SPRING1: variants seen among roughly 807,000 people sequenced by gnomAD.
SPRING1 encodes the protein SREBF pathway regulator in golgi 1.
Under a neutral mutation model 24.7 loss-of-function variants are expected in SPRING1, and 14 were observed. The ratio of observed to expected loss-of-function variants is 0.57; its 90% CI spans 0.37 to 0.88. The LOEUF (loss-of-function observed/expected upper bound fraction) is 0.88. Ranked by LOEUF, SPRING1 falls within the 40% of genes least tolerant of loss-of-function variation. SPRING1 has a pLI of 0.00. For missense variants in SPRING1, 255 were observed against 268.4 expected, an observed-to-expected ratio of 0.95 and a Z score of 0.35; for synonymous variants, 93 against 106.1, an observed-to-expected ratio of 0.88 and a Z score of 0.76.
rs1198498134 is a variant in SPRING1 at position 116,716,416 on chromosome 12, G to A, written c.*1394C>T. The A allele has an allele frequency of 6.6e-6, 1 of 152,424 alleles. No homozygotes were observed. The highest frequency in any genetic ancestry group is 1.5e-5 in the Non-Finnish European group (1 of 68,044). 9.4% of individuals were successfully genotyped at this position (152,424 alleles called of 1,614,324 possible). ...CACCTTGCTCCCAGGTCAATAAAGT[G>A]AACCAAAAAAATTACAAAGACCTTG... On this transcript the variant is annotated 3_prime_UTR_variant, in exon 5 of 5. Coordinates refer to ENST00000261318, the MANE Select transcript of SPRING1 (RefSeq NM_024738.4).
At chr12:116,721,879 C>G (rs1870452476) in intron 2 of SPRING1, among the ~76,000 whole-genome samples, 3 of 152,000 alleles carry the variant, frequency 2.0e-5, no homozygotes. Context: ...TTTTTTTCCC[C>G]ACTGCCAACT....
intron 1 of SPRING1, among the ~76,000 whole-genome samples, chr12:116,723,995 C>T (rs1227214517): frequency 6.6e-6 from 1 of 151,890 alleles, no homozygotes; most frequent in African/African-American, 2.4e-5. Context: ...CTTTTCTATA[C>T]TGTTAAAAAA....
At chr12:116,731,246 C>T (rs1870961766) in intron 1 of SPRING1, among the ~76,000 whole-genome samples, 1 of 152,282 alleles carries the variant, frequency 6.6e-6, no homozygotes, top group Middle Eastern at 3.4e-3. Context: ...AGTCTGCTGC[C>T]GCTGCTTTGA....
chr12:116,716,602 AGTGCTTTATGCCTGT>A lies in SPRING1; in HGVS notation c.*1193_*1207del, dbSNP rs1870146533. 6.6e-6 allele frequency: 1 copy of A among 152,618 alleles called. No homozygotes were observed. Among genetic ancestry groups the A allele is most frequent in the African/African-American group, 2.4e-5 (1 of 41,432 alleles). The allele number at this position is 152,618 out of a possible 1,614,324, so 9.5% of individuals were successfully genotyped here. A position where few individuals can be genotyped will look rare whatever the true frequency, so the allele number is the denominator to read the frequency against. ...CTGCATTACAGTAGGAAAAATGGGG[AGTGCTTTATGCCTGT>A]GGATTCAGGACACACCAGCAACCTA... On this transcript the variant is annotated 3_prime_UTR_variant, in exon 5 of 5. Transcript: ENST00000261318.
Position 116,711,781 on chromosome 12 carries a change from CT to C in SPRING1, c.*6028del, listed in dbSNP as rs981893915. The C allele has an allele frequency of 1.3e-5, 2 of 151,996 alleles. No homozygotes were observed. Among genetic ancestry groups the C allele is most frequent in the Non-Finnish European group, 2.9e-5 (2 of 68,220 alleles). The allele number at this position is 151,996 out of a possible 1,614,324, so 9.4% of individuals were successfully genotyped here. ...AGGTGTGCACTACCATGCCTGGCTCCTTTTTTTTATTTTTTGTAGAGACAGG... is the reference window on the plus strand; with the variant it reads ...AGGTGTGCACTACCATGCCTGGCTCCTTTTTTTATTTTTTGTAGAGACAGG... On this transcript the variant is annotated 3_prime_UTR_variant, in exon 5 of 5. Transcript: ENST00000261318.
chr12:116,734,156 C>T (rs1157979399), intron 1 of SPRING1, among the ~76,000 whole-genome samples: 4 of 152,214 alleles, frequency 2.6e-5, no homozygotes, highest in East Asian at 1.9e-4. Flanking sequence ...GGATTACAGG[C>T]GTGAGCCATC....
chr12:116,731,623 G>A (rs570494665), intron 1 of SPRING1, among the ~76,000 whole-genome samples: 22 of 152,150 alleles, frequency 1.4e-4, no homozygotes, highest in South Asian at 4.2e-4. Context: ...GGTTGCCCAC[G>A]CCTGTAGTCC....
At chr12:116,735,269 T>G (rs1871166894) in intron 1 of SPRING1, among the ~76,000 whole-genome samples, 1 of 152,016 alleles carries the variant, frequency 6.6e-6, no homozygotes, top group South Asian at 2.1e-4. Context: ...CAACGTCAAC[T>G]AGAAAGTAGG....
chr12:116,737,679 AGGG>A, intron 1 of SPRING1, 108 bp downstream of exon 1: 1 of 1,239,072 alleles, frequency 8.1e-7, no homozygotes, highest in Non-Finnish European at 1.1e-6. Context: ...GTAGGAAGAC[AGGG>A]AGGAAGGAAA....
rs993649345 is a variant in SPRING1, at chr12:116,720,861, A to G, written c.269-414T>C. The stretch of plus-strand genomic sequence containing the variant: ...AAAAAAACCGAGGCACTGATTCACA[A>G]AAGTGAGGTCCTTCTAGATTTAACA... On this transcript the variant is annotated intron_variant, in intron 2 of 4. Coordinates refer to ENST00000261318, the MANE Select transcript of SPRING1 (RefSeq NM_024738.4). This position sits in a 1 kb window ranked among gnomAD's most constrained non-coding sequence, Gnocchi z 4.0. Among the ~76,000 whole-genome samples, 2 of 152,220 alleles carry G rather than the reference A, an allele frequency of 1.3e-5. No homozygotes were observed. Among genetic ancestry groups the G allele is most frequent in the African/African-American group, 4.8e-5 (2 of 41,462 alleles).
intron 1 of SPRING1, among the ~76,000 whole-genome samples, chr12:116,730,093 G>T (rs954431141): frequency 2.6e-5 from 4 of 152,146 alleles, no homozygotes; most frequent in Admixed American, 2.0e-4. Flanking sequence ...GTAGAGACAG[G>T]GTTTCACTGT....
rs1386088515 is a variant in SPRING1 at position 116,728,517 on chromosome 12, T to C, written c.112-5294A>G. ...TGCCTCCCATCTCTACAATTTAAGT[T>C]ATCCCCCATAGCATTAATTAACATG... On this transcript the variant is annotated intron_variant, in intron 1 of 4. Coordinates refer to ENST00000261318, the MANE Select transcript of SPRING1 (RefSeq NM_024738.4). This position sits in a 1 kb window ranked among gnomAD's most constrained non-coding sequence, Gnocchi z 4.2. Among the ~76,000 whole-genome samples, 2 of 152,314 alleles carry C rather than the reference T, an allele frequency of 1.3e-5. No individual in the cohort carries two copies. Among genetic ancestry groups the C allele is most frequent in the East Asian group, 1.9e-4 (1 of 5,192 alleles).
intron 1 of SPRING1, among the ~76,000 whole-genome samples, chr12:116,725,918 TAATTATTCAAAA>T (rs1870667470): frequency 6.6e-6 from 1 of 152,056 alleles, no homozygotes; most frequent in African/African-American, 2.4e-5. Context: ...TGTAAATATA[TAATTATTCAAAA>T]AATTGTTTGA....
chr12:116,719,936 G>A, intron 3 of SPRING1, 60 bp from the exon 4 acceptor site: 2 of 1,422,326 alleles, frequency 1.4e-6, no homozygotes, highest in Admixed American at 3.4e-5. Context: ...AGGTGACCTT[G>A]GCTATCTCTC....
intron 1 of SPRING1, among the ~76,000 whole-genome samples, chr12:116,724,953 T>C (rs1035749336): frequency 4.6e-5 from 7 of 152,226 alleles, no homozygotes; most frequent in African/African-American, 1.7e-4. Context: ...TAGACAGGGT[T>C]GCAGACCACT....
intron 1 of SPRING1, among the ~76,000 whole-genome samples, chr12:116,731,669 G>A (rs1468475604): frequency 1.3e-5 from 2 of 150,056 alleles, no homozygotes; most frequent in Non-Finnish European, 3.0e-5. Context: ...AGGATCCCTT[G>A]AGCCTAGGAA....
At position 116,719,754 on chromosome 12, in the gene SPRING1, G is replaced by A. The variant is rs1324942000; in HGVS notation, c.534+9C>T. 1 of 1,610,228 alleles carries A rather than the reference G, an allele frequency of 6.2e-7. No homozygotes were observed. The highest frequency in any genetic ancestry group is 8.5e-7 in the Non-Finnish European group (1 of 1,176,800). ...CCATCCCACAGCTAGAGACATCACA[G>A]CTTCTGACCTGAGATGAGGTCCTGC... On this transcript the variant is annotated intron_variant, in intron 4 of 4. Transcript: ENST00000261318.
rs1009612587 is a variant in SPRING1, at chr12:116,728,052, T to C, written c.112-4829A>G. Among the ~76,000 whole-genome samples, 1 of 152,292 alleles carries C rather than the reference T, an allele frequency of 6.6e-6. No homozygotes were observed. The highest frequency in any genetic ancestry group is 1.5e-5 in the Non-Finnish European group (1 of 68,028). Reference sequence around the variant, plus strand: ...ACGTTCGTAGATTTTCAAGGAGTTATGCAAACAGCCCTGAGACTTTCAGGA... The same window carrying C: ...ACGTTCGTAGATTTTCAAGGAGTTACGCAAACAGCCCTGAGACTTTCAGGA... On this transcript the variant is annotated intron_variant, in intron 1 of 4. Coordinates refer to ENST00000261318, the MANE Select transcript of SPRING1 (RefSeq NM_024738.4). The surrounding 1 kb of genome is among the most constrained non-coding windows in gnomAD (Gnocchi z 4.2).
chr12:116,733,135 G>A (rs2137045750), intron 1 of SPRING1, among the ~76,000 whole-genome samples: 1 of 152,282 alleles, frequency 6.6e-6, no homozygotes, highest in Middle Eastern at 3.4e-3. Flanking sequence ...GGGAGACAGG[G>A]ATACTGGTGA....
Sources: gnomAD v4.1 joint callset for allele counts (sites outside exome capture counted in the v4.1 genomes callset) on GRCh38, gnomAD v4.1.1 for gene constraint, Gnocchi (gnomAD v3.1) non-coding constraint, MANE v1.5 for transcripts, NCBI Gene and HGNC (gene_info 2026-07-23, HGNC 2026-07-21) for gene names.